Variants in B4GALT6 observed in about 807,000 individuals in gnomAD.
The protein encoded by B4GALT6 is UDP-Gal:beta-GlcNAc beta-1,4-galactosyltransferase 6.
In B4GALT6, 14 loss-of-function variants were observed where a neutral mutation model predicts 46.3. That is an observed-to-expected ratio of 0.30 (90% CI 0.20 to 0.47). The LOEUF (loss-of-function observed/expected upper bound fraction) is 0.47. Among genes scored for constraint, B4GALT6 ranks in the 20% least tolerant of loss-of-function variants. The probability of loss-of-function intolerance (pLI) is 0.99; values close to 1 mark genes in which losing one functional copy is unlikely to be tolerated. For missense variants in B4GALT6, 386 were observed against 480.1 expected, an observed-to-expected ratio of 0.80 and a Z score of 1.83; for synonymous variants, 168 against 162.0, an observed-to-expected ratio of 1.04 and a Z score of -0.28.
At chr18:31,648,509 C>G (rs1241425989) in intron 3 of B4GALT6, among the ~76,000 whole-genome samples, 1 of 152,180 alleles carries the variant, frequency 6.6e-6, no homozygotes, top group East Asian at 1.9e-4. Context: ...ACCTTCCAGT[C>G]GTGTGTGCCA....
At chr18:31,698,323 A>G in the B4GALT6 span, among the ~76,000 whole-genome samples, 1 of 152,228 alleles carries the variant, frequency 6.6e-6, no homozygotes, top group African/African-American at 2.4e-5. Flanking sequence ...TTAAATCAAC[A>G]GGCTCAAAGA....
At chr18:31,644,301 A>C (rs1479190729) in intron 4 of B4GALT6, among the ~76,000 whole-genome samples, 1 of 152,218 alleles carries the variant, frequency 6.6e-6, no homozygotes, top group Non-Finnish European at 1.5e-5. Flanking sequence ...TGCTTACCTT[A>C]CACAAGACAA....
intron 1 of B4GALT6, among the ~76,000 whole-genome samples, chr18:31,673,661 T>C (rs2074382987): frequency 6.6e-6 from 1 of 152,218 alleles, no homozygotes; most frequent in African/African-American, 2.4e-5. Context: ...CACATATAAA[T>C]ATATGTTAAG....
intron 4 of B4GALT6, among the ~76,000 whole-genome samples, chr18:31,639,901 C>T (rs1345113634): frequency 6.6e-6 from 1 of 152,146 alleles, no homozygotes; most frequent in Non-Finnish European, 1.5e-5. Context: ...TGGATACAAA[C>T]TTTGTCATAC....
In B4GALT6 at chr18:31,657,468, A is replaced by G. The variant is rs548288840; in HGVS notation, c.346+508T>C. Among the ~76,000 whole-genome samples, 11 of 152,296 alleles carry G rather than the reference A, an allele frequency of 7.2e-5. No homozygotes were observed. The South Asian group carries it at 2.1e-3, about 29-fold the overall frequency. On this transcript the variant is annotated intron_variant, in intron 3 of 8. Coordinates refer to ENST00000306851, the MANE Select transcript of B4GALT6 (RefSeq NM_004775.5). ...TAATTTCTCCTTTGAAACAATATCT[A>G]TTTTCTATACAGACATCTATCTATG...
the B4GALT6 span, among the ~76,000 whole-genome samples, chr18:31,713,422 C>T: frequency 0.012 from 1,767 of 152,274 alleles, 25 homozygotes; most frequent in East Asian, 0.033. Flanking sequence ...GTTTATACAC[C>T]TCATTTCATT....
the B4GALT6 span, among the ~76,000 whole-genome samples, chr18:31,712,813 A>G: frequency 1.3e-5 from 2 of 152,216 alleles, no homozygotes; most frequent in African/African-American, 4.8e-5. Flanking sequence ...TTCCAAATTA[A>G]GAATGCCGCT....
chr18:31,707,080 G>A, the B4GALT6 span, among the ~76,000 whole-genome samples: 1 of 152,030 alleles, frequency 6.6e-6, no homozygotes, highest in African/African-American at 2.4e-5. Flanking sequence ...CTTCATAAGA[G>A]GGACCACACA....
intron 1 of B4GALT6, among the ~76,000 whole-genome samples, chr18:31,669,857 T>C (rs1466739701): frequency 6.6e-6 from 1 of 152,100 alleles, no homozygotes; most frequent in Non-Finnish European, 1.5e-5. Context: ...CTTATATTTG[T>C]GCTACACCAA....
the B4GALT6 span, among the ~76,000 whole-genome samples, chr18:31,715,034 A>C: frequency 6.6e-6 from 1 of 152,208 alleles, no homozygotes; most frequent in Non-Finnish European, 1.5e-5. Flanking sequence ...TATGCTATGC[A>C]ATGTGTATTT....
intron 3 of B4GALT6, among the ~76,000 whole-genome samples, chr18:31,650,785 T>C (rs777429415): frequency 1.8e-4 from 27 of 152,140 alleles, no homozygotes; most frequent in Non-Finnish European, 3.7e-4. Flanking sequence ...TGCATTTTTT[T>C]TGAGACGGAG....
the B4GALT6 span, among the ~76,000 whole-genome samples, chr18:31,691,490 G>A: frequency 3.3e-5 from 5 of 151,780 alleles, no homozygotes; most frequent in African/African-American, 1.2e-4. Context: ...TACTATGAAA[G>A]TACCCTTTTA....
At chr18:31,670,399 T>A (rs534744325) in intron 1 of B4GALT6, among the ~76,000 whole-genome samples, 1 of 146,196 alleles carries the variant, frequency 6.8e-6, no homozygotes, top group East Asian at 2.0e-4. Flanking sequence ...GTGAATTATT[T>A]ACCAAAAGAG....
chr18:31,666,526 T>C (rs897337148), intron 1 of B4GALT6, among the ~76,000 whole-genome samples, 154 bp from the exon 2 acceptor site: 10 of 152,060 alleles, frequency 6.6e-5, no homozygotes, highest in Non-Finnish European at 1.2e-4. Context: ...TATTGCCTAC[T>C]ATAAAAACTG....
chr18:31,633,143 T>G (rs1160870455), intron 5 of B4GALT6, among the ~76,000 whole-genome samples: 1 of 152,154 alleles, frequency 6.6e-6, no homozygotes, highest in African/African-American at 2.4e-5. Context: ...AAAAAAAATT[T>G]CCCAGTATTG....
At chr18:31,644,024 G>A (rs184585423) in intron 4 of B4GALT6, among the ~76,000 whole-genome samples, 1 of 152,266 alleles carries the variant, frequency 6.6e-6, no homozygotes, top group African/African-American at 2.4e-5. Context: ...TATGTAAATT[G>A]GGCCGCATTT....
chr18:31,720,198 C>A, the B4GALT6 span, among the ~76,000 whole-genome samples: 1 of 152,242 alleles, frequency 6.6e-6, no homozygotes, highest in African/African-American at 2.4e-5. Flanking sequence ...GGTCTAATTT[C>A]TTTCACTGTC....
chr18:31,699,636 GAAAAAAAA>G, the B4GALT6 span, among the ~76,000 whole-genome samples: 11 of 104,124 alleles, frequency 1.1e-4, no homozygotes, highest in South Asian at 3.1e-3. Flanking sequence ...TCTCTTCCTG[GAAAAAAAA>G]AAAAAAAAAA....
chr18:31,677,936 C>G (rs1361546102), intron 1 of B4GALT6, among the ~76,000 whole-genome samples: 1 of 152,144 alleles, frequency 6.6e-6, no homozygotes. Context: ...AACCCAAGCT[C>G]TAGAAAAATC....
Sources: gnomAD v4.1 joint callset for allele counts (sites outside exome capture counted in the v4.1 genomes callset) on GRCh38, gnomAD v4.1.1 for gene constraint, MANE v1.5 for transcripts, NCBI Gene and HGNC (gene_info 2026-07-23, HGNC 2026-07-21) for gene names.